Variants in AHI1 observed in about 807,000 individuals in gnomAD.
AHI1 encodes Abelson helper integration site 1.
A neutral mutation model predicts 149.3 loss-of-function variants in AHI1; 123 were observed. That is an observed-to-expected ratio of 0.82 (90% CI 0.71 to 0.96). The LOEUF (loss-of-function observed/expected upper bound fraction) is 0.96, where lower values mean the gene tolerates loss of function less well. AHI1 is among the 40% of genes least tolerant of loss of function. The pLI is 0.00. For synonymous variants in AHI1, 475 were observed against 459.8 expected (o/e 1.03, Z -0.42); for missense variants, 1,439 against 1,422.7 (o/e 1.01, Z -0.18).
chr6:135,457,928 A>G (rs1444583660), intron 8 of AHI1, among the ~76,000 whole-genome samples: 5 of 152,316 alleles, frequency 3.3e-5, no homozygotes, highest in South Asian at 4.1e-4. Flanking sequence ...ATCCTTGTTT[A>G]TATTTTTCCT....
At chr6:135,396,783 G>A (rs1013484288) in intron 22 of AHI1, among the ~76,000 whole-genome samples, 7 of 151,404 alleles carry the variant, frequency 4.6e-5, no homozygotes, top group Admixed American at 1.3e-4. Context: ...CTGGAGAAAT[G>A]AAGATATATC....
At chr6:135,412,424 T>C (rs1781740031) in intron 20 of AHI1, among the ~76,000 whole-genome samples, 1 of 152,230 alleles carries the variant, frequency 6.6e-6, no homozygotes, top group Non-Finnish European at 1.5e-5. Context: ...TTCTCTGTTC[T>C]CCCTTATAGA....
In AHI1 at chr6:135,438,502, A is replaced by T. The variant is rs1417237715; in HGVS notation, c.1913-4T>A. ...CGTCCAGAAGGAATTTCATATACTA[A>T]TGAAAATATTTAGAAATTAGGTTTC... On this transcript the variant is annotated splice_region_variant and splice_polypyrimidine_tract_variant and intron_variant, in intron 14 of 28. Transcript: ENST00000265602. 2.0e-6 allele frequency: 3 copies of T among 1,531,676 alleles called. No individual in the cohort carries two copies. In the East Asian group the frequency reaches 7.4e-5, roughly 38 times the overall value. 94.9% of individuals were successfully genotyped at this position (1,531,676 alleles called of 1,614,324 possible).
At chr6:135,413,673 G>T (rs1353924864) in intron 20 of AHI1, among the ~76,000 whole-genome samples, 2 of 151,526 alleles carry the variant, frequency 1.3e-5, no homozygotes, top group African/African-American at 4.9e-5. Flanking sequence ...TTGTAGGATT[G>T]AGATCAAAAC....
Position 135,398,485 on chromosome 6 carries a change from T to A in AHI1, c.2989-3589A>T, listed in dbSNP as rs547360774. Among the ~76,000 whole-genome samples, 104 of 152,334 alleles carry A rather than the reference T, an allele frequency of 6.8e-4. 1 individual carries two copies. The Middle Eastern group carries it at 0.014, about 20-fold the overall frequency. ...GTATTCAAATTTGAATCAGTCACTA[T>A]AAAGTTTTTTGGTTATATTTAATCG... On this transcript the variant is annotated intron_variant, in intron 22 of 28. Transcript: ENST00000265602.
chr6:135,340,658 CATATATATATATATATATATATATAT>C (rs71006759), intron 24 of AHI1, among the ~76,000 whole-genome samples: 123 of 38,076 alleles, frequency 3.2e-3, no homozygotes, highest in Admixed American at 7.6e-3. Flanking sequence ...TACATACATA[CATATATATATATATATATATATATAT>C]ATATATATAT....
chr6:135,472,475 T>C (rs989622405), intron 5 of AHI1, among the ~76,000 whole-genome samples: 1 of 152,238 alleles, frequency 6.6e-6, no homozygotes, highest in Non-Finnish European at 1.5e-5. Flanking sequence ...GTGCTAGTAT[T>C]AGATATGTTT....
chr6:135,431,222 A>C lies in AHI1; in HGVS notation c.2359T>G (p.Trp787Gly). 1 of 1,593,534 alleles carries C rather than the reference A, an allele frequency of 6.3e-7. No individual in the cohort carries two copies. Among genetic ancestry groups the C allele is most frequent in the Non-Finnish European group, 8.6e-7 (1 of 1,165,954 alleles). Residue 787 changes from tryptophan to glycine, a missense_variant, in exon 17 of 29, where the codon TGG (tryptophan) becomes GGG (glycine). Transcript: ENST00000265602. ...INDLEHSVHH[W>G]TINKEIKETE... is the part of the protein sequence containing the mutation. ...TGATTTTATACCTTATTTATAGTCC[A>C]GTGGTGCACTGAATGTTCCAAATCA...
At chr6:135,301,642 A>C (rs1200389972) in intron 26 of AHI1, 2 of 985,358 alleles carry the variant, frequency 2.0e-6, no homozygotes, top group Non-Finnish European at 2.4e-6. Context: ...CTTTAAGTCA[A>C]GCATAATAAA....
chr6:135,304,338 C>G (rs981046768), intron 26 of AHI1, among the ~76,000 whole-genome samples: 1 of 152,188 alleles, frequency 6.6e-6, no homozygotes, highest in Non-Finnish European at 1.5e-5. Flanking sequence ...TGGGCATGAG[C>G]CACTGGGCCC....
rs113459224 is a variant in AHI1 at position 135,395,393 on chromosome 6, T to C, written c.2989-497A>G. Among the ~76,000 whole-genome samples the C allele has an allele frequency of 4.0e-3, 608 of 151,948 alleles. 2 individuals are homozygous for C. The highest frequency in any genetic ancestry group is 0.014 in the African/African-American group (576 of 41,492). On this transcript the variant is annotated intron_variant, in intron 22 of 28. Coordinates refer to ENST00000265602, the MANE Select transcript of AHI1 (RefSeq NM_001134831.2). Reference sequence around the variant, plus strand: ...TAACCTAGCTTGCCATGTGAAATAGTATCCATTGCATCAAAACACCTTACT... The same window carrying C: ...TAACCTAGCTTGCCATGTGAAATAGCATCCATTGCATCAAAACACCTTACT...
chr6:135,440,913 C>T (rs986014393), intron 14 of AHI1, among the ~76,000 whole-genome samples: 1 of 151,882 alleles, frequency 6.6e-6, no homozygotes. Flanking sequence ...GTTTTCAATA[C>T]AAAATTATGA....
chr6:135,454,875 A>G (rs1264579205), intron 10 of AHI1, among the ~76,000 whole-genome samples: 1 of 152,210 alleles, frequency 6.6e-6, no homozygotes, highest in East Asian at 1.9e-4. Flanking sequence ...TAAATATTGG[A>G]ATATTTGTAT....
At chr6:135,467,371 GTTAATA>G (rs1363024901) in intron 6 of AHI1, among the ~76,000 whole-genome samples, 1 of 152,074 alleles carries the variant, frequency 6.6e-6, no homozygotes, top group Admixed American at 6.5e-5. Flanking sequence ...AACAAGTATA[GTTAATA>G]TTAATAAAGA....
At chr6:135,375,655 T>G (rs1424734792) in intron 23 of AHI1, among the ~76,000 whole-genome samples, 1 of 152,240 alleles carries the variant, frequency 6.6e-6, no homozygotes, top group African/African-American at 2.4e-5. Context: ...CTCCCTATTA[T>G]GTCAAACGAA....
At chr6:135,415,291 T>C (rs1281007174) in intron 20 of AHI1, among the ~76,000 whole-genome samples, 4 of 152,154 alleles carry the variant, frequency 2.6e-5, no homozygotes, top group African/African-American at 7.2e-5. Flanking sequence ...CATGTGTCTT[T>C]ATAGCAGCAT....
chr6:135,374,617 C>T lies in AHI1; in HGVS notation c.3110-16430G>A, dbSNP rs188600847. ...CATCATATAAAATTTAATATACAAACGTCAATTTCTCTTACATATTCAAAC... is the reference window on the plus strand; with the variant it reads ...CATCATATAAAATTTAATATACAAATGTCAATTTCTCTTACATATTCAAAC... On this transcript the variant is annotated intron_variant, in intron 23 of 28. Coordinates refer to ENST00000265602, the MANE Select transcript of AHI1 (RefSeq NM_001134831.2). 2.0e-3 allele frequency among the ~76,000 whole-genome samples: 309 copies of T among 151,958 alleles called. 4 individuals carry two copies. The highest frequency in any genetic ancestry group is 6.8e-3 in the African/African-American group (281 of 41,428).
chr6:135,474,932 G>C (rs952643345), intron 5 of AHI1, among the ~76,000 whole-genome samples: 1 of 152,162 alleles, frequency 6.6e-6, no homozygotes, highest in Non-Finnish European at 1.5e-5. Context: ...AAAAGGAGTG[G>C]ACAAGGATCA....
intron 3 of AHI1, chr6:135,493,004 G>A: frequency 1.0e-6 from 1 of 965,594 alleles, no homozygotes; most frequent in Non-Finnish European, 1.2e-6. Context: ...GCTGGTTCAG[G>A]AATTATTGAT....
Sources: gnomAD v4.1 joint callset for allele counts (sites outside exome capture counted in the v4.1 genomes callset) on GRCh38, gnomAD v4.1.1 for gene constraint, MANE v1.5 for transcripts, NCBI Gene and HGNC (gene_info 2026-07-23, HGNC 2026-07-21) for gene names.